The following ENOX1 variants were observed in gnomAD, a reference collection of about 807,000 sequenced individuals.
ENOX1 encodes ecto-NOX disulfide-thiol exchanger 1.
In ENOX1, 42 loss-of-function variants were observed where a neutral mutation model predicts 82.5. The observed-to-expected ratio is 0.51, with a 90% CI of 0.40 to 0.66. ENOX1 has a LOEUF of 0.66. ENOX1 is among the 30% of genes least tolerant of loss of function. ENOX1 has a pLI of 0.00. For missense variants in ENOX1, 608 were observed against 811.6 expected (o/e 0.75, Z 3.05); for synonymous variants, 271 against 282.2 (o/e 0.96, Z 0.40).
At chr13:43,218,277 C>T (rs17460199) in intron 16 of ENOX1, among the ~76,000 whole-genome samples, 31,026 of 152,114 alleles carry the variant, frequency 0.2, 3,673 homozygotes, top group Non-Finnish European at 0.28. Context: ...AGAGTTGTGT[C>T]ATAATTATGG....
chr13:43,409,040 CAAAAAAA>C lies in ENOX1; in HGVS notation c.208+2869_208+2875del, dbSNP rs11424006. On this transcript the variant is annotated intron_variant, in intron 5 of 16. Transcript: ENST00000690772. ...GTTTAACAAATGCCCAAATATAAACCAAAAAAAAAAAAAAAAAATTACCAGGAACCCT... is the reference window on the plus strand; with the variant it reads ...GTTTAACAAATGCCCAAATATAAACCAAAAAAAAAAATTACCAGGAACCCT... 2.5e-4 allele frequency among the ~76,000 whole-genome samples: 22 copies of C among 87,630 alleles called. No homozygotes were observed. In the East Asian group the frequency reaches 6.3e-3, roughly 25 times the overall value. The allele number at this position is 87,630 out of a possible 152,430, so 57.5% of individuals were successfully genotyped here.
intron 8 of ENOX1, 51 bp downstream of exon 8, chr13:43,355,868 G>C (rs376312526): frequency 8.5e-6 from 13 of 1,528,370 alleles, no homozygotes; most frequent in Non-Finnish European, 1.2e-5. Flanking sequence ...ACAGGGTTCC[G>C]TGTCTGGGGA....
At chr13:43,564,333 T>C (rs973169785) in intron 2 of ENOX1, among the ~76,000 whole-genome samples, 83 of 151,590 alleles carry the variant, frequency 5.5e-4, no homozygotes, top group Admixed American at 3.3e-4. Context: ...TTCACAGAAA[T>C]AGAAAAAAAA....
intron 5 of ENOX1, among the ~76,000 whole-genome samples, chr13:43,411,617 G>A (rs576625754): frequency 9.8e-5 from 15 of 152,318 alleles, no homozygotes; most frequent in African/African-American, 3.4e-4. Context: ...AGGTGAATGA[G>A]TTTTGCAAAT....
intron 1 of ENOX1, among the ~76,000 whole-genome samples, chr13:43,741,459 G>C (rs2089908124): frequency 1.3e-5 from 2 of 152,110 alleles, no homozygotes; most frequent in African/African-American, 4.8e-5. Context: ...GTTATTATTG[G>C]TCTTTTTGAA....
At chr13:43,689,410 T>C (rs2086237845) in intron 1 of ENOX1, among the ~76,000 whole-genome samples, 1 of 152,218 alleles carries the variant, frequency 6.6e-6, no homozygotes, top group Admixed American at 6.5e-5. Flanking sequence ...CGAGACTGTG[T>C]TAGATACTTA....
At chr13:43,563,094 C>A (rs1249421874) in intron 2 of ENOX1, among the ~76,000 whole-genome samples, 1 of 152,086 alleles carries the variant, frequency 6.6e-6, no homozygotes, top group Non-Finnish European at 1.5e-5. Flanking sequence ...CACTCTTCTC[C>A]TCAGCACATG....
At chr13:43,421,299 A>G (rs2054959320) in intron 3 of ENOX1, among the ~76,000 whole-genome samples, 1 of 152,230 alleles carries the variant, frequency 6.6e-6, no homozygotes, top group South Asian at 2.1e-4. Flanking sequence ...AGTAAGATGA[A>G]AATGTATTTA....
intron 12 of ENOX1, among the ~76,000 whole-genome samples, chr13:43,277,571 T>G (rs1037726443): frequency 6.6e-6 from 1 of 152,190 alleles, no homozygotes; most frequent in South Asian, 2.1e-4. Flanking sequence ...CACCCTGACC[T>G]GGCAAGGATC....
chr13:43,276,690 A>G (rs1593662464), intron 12 of ENOX1, among the ~76,000 whole-genome samples: 1 of 152,240 alleles, frequency 6.6e-6, no homozygotes, highest in South Asian at 2.1e-4. Flanking sequence ...TAAAAATTCA[A>G]GTGAACATTA....
intron 1 of ENOX1, among the ~76,000 whole-genome samples, chr13:43,780,772 C>A (rs1189765101): frequency 6.6e-6 from 1 of 152,230 alleles, no homozygotes; most frequent in Non-Finnish European, 1.5e-5. Context: ...CCCTTACATC[C>A]ACAATGGCTT....
At chr13:43,525,793 T>C (rs920072213) in intron 2 of ENOX1, among the ~76,000 whole-genome samples, 1 of 152,130 alleles carries the variant, frequency 6.6e-6, no homozygotes, top group Admixed American at 6.6e-5. Context: ...AGAAATGTCT[T>C]TTCCAGTCCT....
At chr13:43,575,397 A>G (rs2080375644) in intron 2 of ENOX1, among the ~76,000 whole-genome samples, 1 of 152,156 alleles carries the variant, frequency 6.6e-6, no homozygotes. Flanking sequence ...AAGTCTCAGG[A>G]AGCTACACTA....
At chr13:43,387,838 A>G (rs2052522708) in intron 5 of ENOX1, among the ~76,000 whole-genome samples, 1 of 152,198 alleles carries the variant, frequency 6.6e-6, no homozygotes, top group Admixed American at 6.5e-5. Context: ...ACAGACATAT[A>G]CATAACTGGT....
intron 1 of ENOX1, among the ~76,000 whole-genome samples, chr13:43,737,609 C>T (rs182999497): frequency 9.2e-5 from 14 of 152,234 alleles, no homozygotes; most frequent in Non-Finnish European, 1.8e-4. Flanking sequence ...ATACATTACC[C>T]AAATGCATAT....
intron 10 of ENOX1, among the ~76,000 whole-genome samples, chr13:43,324,620 A>G (rs2048003705): frequency 6.6e-6 from 1 of 152,210 alleles, no homozygotes; most frequent in Non-Finnish European, 1.5e-5. Context: ...GGCCTAATGT[A>G]TATCAAAAGA....
At chr13:43,727,326 C>T (rs6561144) in intron 1 of ENOX1, among the ~76,000 whole-genome samples, 139,629 of 152,236 alleles carry the variant, frequency 0.92, 64,325 homozygotes, top group East Asian at 1. Flanking sequence ...CCACCCCCAG[C>T]TGAAGTTCTG....
chr13:43,389,215 T>C (rs748068978), intron 5 of ENOX1, among the ~76,000 whole-genome samples: 4 of 152,282 alleles, frequency 2.6e-5, no homozygotes, highest in South Asian at 2.1e-4. Flanking sequence ...GACCTGGCAA[T>C]TGACCTTAAA....
intron 12 of ENOX1, among the ~76,000 whole-genome samples, chr13:43,293,086 A>G: frequency 6.6e-6 from 1 of 152,096 alleles, no homozygotes; most frequent in South Asian, 2.1e-4. Context: ...CATCCTCACC[A>G]TGGCTGCCTT....
Sources: gnomAD v4.1 joint callset for allele counts (sites outside exome capture counted in the v4.1 genomes callset) on GRCh38, gnomAD v4.1.1 for gene constraint, MANE v1.5 for transcripts, NCBI Gene and HGNC (gene_info 2026-07-23, HGNC 2026-07-21) for gene names.